The following CSMD1 variants were observed in gnomAD, a reference collection of about 807,000 sequenced individuals.
CSMD1 encodes the protein CUB and sushi domain-containing protein 1.
In CSMD1, 213 loss-of-function variants were observed where a neutral mutation model predicts 417.5. The ratio of observed to expected loss-of-function variants is 0.51; its 90% CI spans 0.46 to 0.57. CSMD1 has a LOEUF of 0.57. CSMD1 is among the 20% of genes least tolerant of loss of function. CSMD1 has a pLI of 0.00. For missense variants in CSMD1, 6,923 were observed against 4,529.7 expected, an observed-to-expected ratio of 1.53 and a Z score of -15.17; for synonymous variants, 2,862 against 1,736.8, an observed-to-expected ratio of 1.65 and a Z score of -16.11.
intron 10 of CSMD1, among the ~76,000 whole-genome samples, chr8:3,554,889 T>C (rs1051485300): frequency 6.6e-6 from 1 of 152,036 alleles, no homozygotes; most frequent in African/African-American, 2.4e-5. Context: ...GGTGAGAGTG[T>C]CACTGAAACT....
rs190949464 is a variant in CSMD1, at chr8:4,578,563, T to A, written c.302+58779A>T. Among the ~76,000 whole-genome samples, 140 of 151,658 alleles carry A rather than the reference T, an allele frequency of 9.2e-4. 2 individuals carry two copies. In the East Asian group the frequency reaches 0.016, roughly 17 times the overall value. ...TGGGTGCAATGCTTCATGCCTGTAA[T>A]CTCGGCATTTTGGGAGGCCAAGGTG... On this transcript the variant is annotated intron_variant, in intron 2 of 69. Transcript: ENST00000635120.
intron 3 of CSMD1, among the ~76,000 whole-genome samples, chr8:4,111,383 C>T (rs767825828): frequency 6.6e-6 from 1 of 152,004 alleles, no homozygotes; most frequent in Non-Finnish European, 1.5e-5. Context: ...TGGAAATAAA[C>T]AGTATTAAAA....
chr8:4,289,130 G>C (rs1221557131), intron 3 of CSMD1, among the ~76,000 whole-genome samples: 1 of 152,120 alleles, frequency 6.6e-6, no homozygotes, highest in Non-Finnish European at 1.5e-5. Context: ...GAATTAACTA[G>C]TTACAGTTCT....
chr8:3,408,942 C>T (rs1018205488), intron 13 of CSMD1, among the ~76,000 whole-genome samples: 8 of 152,234 alleles, frequency 5.3e-5, no homozygotes, highest in Admixed American at 4.6e-4. Context: ...CCTTTAAAAT[C>T]GACTGTGAAG....
intron 5 of CSMD1, among the ~76,000 whole-genome samples, chr8:3,991,135 T>A (rs1863474): frequency 0.041 from 6,264 of 152,194 alleles, 225 homozygotes; most frequent in Admixed American, 0.098. Context: ...AGACTGGAAA[T>A]TGGCCCCACA....
intron 7 of CSMD1, among the ~76,000 whole-genome samples, chr8:3,660,033 G>C (rs761447340): frequency 6.6e-6 from 1 of 152,178 alleles, no homozygotes; most frequent in African/African-American, 2.4e-5. Context: ...GCTTCATTCT[G>C]TACTGTCCCT....
chr8:4,446,552 T>C (rs1798801344), intron 2 of CSMD1, among the ~76,000 whole-genome samples: 2 of 151,420 alleles, frequency 1.3e-5, no homozygotes, highest in African/African-American at 4.9e-5. Flanking sequence ...GGTTCTGCTT[T>C]GTTTTGTTTT....
At chr8:3,035,092 A>G (rs1810585557) in intron 50 of CSMD1, among the ~76,000 whole-genome samples, 5 of 152,170 alleles carry the variant, frequency 3.3e-5, no homozygotes, top group Non-Finnish European at 5.9e-5. Flanking sequence ...CAGCCTGAGT[A>G]CCTCTGTGCT....
At chr8:3,122,621 G>C (rs1046462278) in intron 41 of CSMD1, among the ~76,000 whole-genome samples, 6 of 152,074 alleles carry the variant, frequency 3.9e-5, no homozygotes, top group African/African-American at 1.2e-4. Context: ...TACTATTCTC[G>C]TGATAGTGAA....
intron 3 of CSMD1, among the ~76,000 whole-genome samples, chr8:4,326,166 T>A (rs1799553349): frequency 6.6e-6 from 1 of 152,196 alleles, no homozygotes; most frequent in Non-Finnish European, 1.5e-5. Context: ...CCAGAGAATT[T>A]GGCTTTCTAA....
At position 3,003,522 on chromosome 8, in the gene CSMD1, T is replaced by A. The variant is rs144056922; in HGVS notation, c.8030-3391A>T. Among the ~76,000 whole-genome samples the A allele has an allele frequency of 4.9e-3, 750 of 152,350 alleles. 3 individuals carry two copies. The highest frequency in any genetic ancestry group is 0.017 in the African/African-American group (702 of 41,588). On this transcript the variant is annotated intron_variant, in intron 52 of 69. Transcript: ENST00000635120. ...GAATAACCTCACCACTGGGCAGTCA[T>A]GTCCTTTACATTGTCTCCTATGTCA... is the stretch of plus-strand genomic sequence containing the variant.
intron 48 of CSMD1, among the ~76,000 whole-genome samples, chr8:3,090,923 T>C (rs930658718): frequency 6.6e-6 from 1 of 152,230 alleles, no homozygotes; most frequent in African/African-American, 2.4e-5. Flanking sequence ...GATCAATTTG[T>C]TACTAATTGA....
At chr8:4,197,426 G>A (rs1799402564) in intron 3 of CSMD1, among the ~76,000 whole-genome samples, 1 of 152,172 alleles carries the variant, frequency 6.6e-6, no homozygotes, top group African/African-American at 2.4e-5. Flanking sequence ...AATGAGTAAA[G>A]CAGATTTCCT....
intron 41 of CSMD1, 46 bp downstream of exon 41, chr8:3,142,419 G>T: frequency 7.1e-7 from 1 of 1,403,974 alleles, no homozygotes; most frequent in Non-Finnish European, 1.0e-6. Context: ...TTACATGTAA[G>T]AAGTGTATTT....
At chr8:3,619,372 A>G (rs557512045) in intron 7 of CSMD1, among the ~76,000 whole-genome samples, 2 of 122,488 alleles carry the variant, frequency 1.6e-5, no homozygotes, top group South Asian at 5.2e-4. Context: ...AATTTTTTTC[A>G]AATGCTTATT....
At chr8:3,409,738 G>T (rs1157372919) in intron 12 of CSMD1, 133 bp from the exon 13 acceptor site, 2 of 642,178 alleles carry the variant, frequency 3.1e-6, no homozygotes, top group Non-Finnish European at 5.2e-6. Context: ...GTTTCTAAAG[G>T]ATATTCAATT....
intron 49 of CSMD1, among the ~76,000 whole-genome samples, chr8:3,082,573 C>G (rs1204883579): frequency 6.6e-6 from 1 of 152,194 alleles, no homozygotes; most frequent in African/African-American, 2.4e-5. Context: ...ATTTTTTATT[C>G]ACCTTGGTAC....
intron 26 of CSMD1, among the ~76,000 whole-genome samples, chr8:3,248,495 C>T (rs537802989): frequency 6.7e-6 from 1 of 148,574 alleles, no homozygotes; most frequent in Admixed American, 6.8e-5. Context: ...AGCCCCTCTG[C>T]CAGGTACGCC....
At chr8:3,132,489 G>C (rs1391962692) in intron 41 of CSMD1, among the ~76,000 whole-genome samples, 3 of 152,222 alleles carry the variant, frequency 2.0e-5, no homozygotes, top group East Asian at 3.9e-4. Context: ...TAAGCTGTTT[G>C]TCTTCAAAGT....
Sources: gnomAD v4.1 joint callset for allele counts (sites outside exome capture counted in the v4.1 genomes callset) on GRCh38, gnomAD v4.1.1 for gene constraint, MANE v1.5 for transcripts, NCBI Gene and HGNC (gene_info 2026-07-23, HGNC 2026-07-21) for gene names.